The following CEMIP variants were observed in gnomAD, a reference collection of about 807,000 sequenced individuals.
CEMIP encodes the protein cell migration-inducing and hyaluronan-binding protein.
CEMIP carries 105 observed loss-of-function variants against 156.9 expected under a neutral mutation model. That is an observed-to-expected ratio of 0.67 (90% confidence interval 0.57 to 0.79). The LOEUF is 0.79. Among genes scored for constraint, CEMIP ranks in the 30% least tolerant of loss-of-function variants. The pLI, the probability that CEMIP is intolerant of heterozygous loss-of-function variation, is 0.00. For synonymous variants in CEMIP, 676 were observed against 668.4 expected (o/e 1.01, Z -0.17); for missense variants, 1,457 against 1,769.4 (o/e 0.82, Z 3.17).
chr15:80,883,947 G>A (rs1459210806), intron 6 of CEMIP, among the ~76,000 whole-genome samples: 2 of 152,198 alleles, frequency 1.3e-5, no homozygotes, highest in African/African-American at 2.4e-5. Context: ...TTTACTCAGC[G>A]AATGAACATT....
chr15:80,880,900 G>A lies in CEMIP; in HGVS notation c.381G>A (p.Arg127=), dbSNP rs774209975. ...QGNFTIILYG[R]ADEGIQPDPY... is the part of the protein sequence containing the mutation. ...TCTGGGGAGCTGTTTTCTCTTGCAG[G>A]GCTGATGAAGGTATTCAGCCGGATC... Residue 127 remains arginine, a splice_region_variant and synonymous_variant, in exon 6 of 30, where the codon AGG becomes AGA. Transcript: ENST00000394685. 1.9e-6 allele frequency: 3 copies of A among 1,613,444 alleles called. No homozygotes were observed. The highest frequency in any genetic ancestry group is 4.5e-5 in the East Asian group (2 of 44,874).
At chr15:80,921,915 A>G in intron 16 of CEMIP, 94 bp from the exon 17 acceptor site, 1 of 1,536,642 alleles carries the variant, frequency 6.5e-7, no homozygotes, top group East Asian at 2.3e-5. Flanking sequence ...AGTAGCTACT[A>G]GACCCATCTC....
At chr15:80,899,739 C>G (rs1168730460) in intron 12 of CEMIP, among the ~76,000 whole-genome samples, 1 of 152,182 alleles carries the variant, frequency 6.6e-6, no homozygotes, top group Non-Finnish European at 1.5e-5. Flanking sequence ...TGGATATCCC[C>G]TGGCAGGGAA....
chr15:80,844,240 C>A (rs1897500533), intron 1 of CEMIP, among the ~76,000 whole-genome samples: 1 of 152,232 alleles, frequency 6.6e-6, no homozygotes, highest in African/African-American at 2.4e-5. Context: ...CCTGTCGCGC[C>A]CTCCCCCTGC....
chr15:80,939,758 G>C (rs1901270603), intron 25 of CEMIP, among the ~76,000 whole-genome samples: 1 of 152,170 alleles, frequency 6.6e-6, no homozygotes, highest in Admixed American at 6.5e-5. Flanking sequence ...GTTTCCTATG[G>C]AGAAGGGCTG....
intron 1 of CEMIP, among the ~76,000 whole-genome samples, chr15:80,816,353 G>A (rs1896788189): frequency 6.6e-6 from 1 of 152,132 alleles, no homozygotes. Flanking sequence ...GGTCCTTGAG[G>A]GAGGCAGGAA....
At chr15:80,823,245 T>A (rs1896951299) in intron 1 of CEMIP, among the ~76,000 whole-genome samples, 1 of 152,192 alleles carries the variant, frequency 6.6e-6, no homozygotes, top group South Asian at 2.1e-4. Flanking sequence ...GATATTTGTA[T>A]GTGTTAATTC....
chr15:80,844,182 G>A (rs1470870385), intron 1 of CEMIP, among the ~76,000 whole-genome samples: 2 of 152,218 alleles, frequency 1.3e-5, no homozygotes, highest in African/African-American at 2.4e-5. Flanking sequence ...CCCAGTGTCC[G>A]GAGCAGCTGG....
intron 1 of CEMIP, among the ~76,000 whole-genome samples, chr15:80,838,884 T>C (rs1897324175): frequency 6.6e-6 from 1 of 152,224 alleles, no homozygotes; most frequent in South Asian, 2.1e-4. Context: ...TGACCCTGTG[T>C]GGCTCCAAAA....
chr15:80,877,656 C>T (rs1251932138), intron 3 of CEMIP, among the ~76,000 whole-genome samples: 1 of 152,194 alleles, frequency 6.6e-6, no homozygotes, highest in Non-Finnish European at 1.5e-5. Context: ...CAGTCCTCCT[C>T]ACTCAAGCCC....
intron 1 of CEMIP, among the ~76,000 whole-genome samples, chr15:80,870,468 T>C (rs923670868): frequency 1.6e-4 from 25 of 152,198 alleles, no homozygotes; most frequent in African/African-American, 6.0e-4. Context: ...GTGCCGTTGC[T>C]CTGCAGCCTC....
chr15:80,796,715 A>G (rs17325183), intron 1 of CEMIP, among the ~76,000 whole-genome samples: 86,944 of 151,856 alleles, frequency 0.57, 24,919 homozygotes, highest in East Asian at 0.62. Flanking sequence ...TTAATCAACC[A>G]CTCTACACCA....
intron 1 of CEMIP, among the ~76,000 whole-genome samples, chr15:80,858,596 A>G (rs1028216376): frequency 2.6e-5 from 4 of 151,722 alleles, no homozygotes; most frequent in Non-Finnish European, 4.4e-5. Context: ...GTGGTGGCAC[A>G]TGCCTGTAAT....
Position 80,949,482 on chromosome 15 carries a change from C to T in CEMIP, c.*558C>T, listed in dbSNP as rs1299102258. On this transcript the variant is annotated 3_prime_UTR_variant, in exon 30 of 30. Transcript: ENST00000394685. ...GGAAGAGGCAAGCCCTGCCTCTGGC[C>T]GTGTCCACCTTTCAGGAGACTTTGA... 4 of 180,668 alleles carry T rather than the reference C, an allele frequency of 2.2e-5. No homozygotes were observed. The highest frequency in any genetic ancestry group is 4.8e-5 in the Non-Finnish European group (4 of 83,586). The allele number at this position is 180,668 out of a possible 1,614,324, so 11.2% of individuals were successfully genotyped here. A position where few individuals can be genotyped will look rare whatever the true frequency, so the allele number is the denominator to read the frequency against.
chr15:80,879,874 A>G lies in CEMIP; in HGVS notation c.380+20A>G, dbSNP rs976270932. On this transcript the variant is annotated intron_variant, in intron 5 of 29. Coordinates refer to ENST00000394685, the MANE Select transcript of CEMIP (RefSeq NM_001293298.2). ...TGGAAGGTGCGTAGACCACTCCTAC[A>G]GATCAAATGCTACCCATGGATCTGA... 13 of 1,613,912 alleles carry G rather than the reference A, an allele frequency of 8.1e-6. No homozygotes were observed. The highest frequency in any genetic ancestry group is 1.1e-5 in the Non-Finnish European group (13 of 1,179,918).
At chr15:80,788,155 G>A (rs1421645433) in intron 1 of CEMIP, among the ~76,000 whole-genome samples, 1 of 152,148 alleles carries the variant, frequency 6.6e-6, no homozygotes, top group African/African-American at 2.4e-5. Context: ...AGAGGAGCTA[G>A]TTTGGGTGAA....
chr15:80,885,182 G>T (rs1204591166), intron 7 of CEMIP, among the ~76,000 whole-genome samples: 1 of 152,112 alleles, frequency 6.6e-6, no homozygotes, highest in Admixed American at 6.6e-5. Context: ...GAAAGTTGAG[G>T]TTATCTGTCC....
At chr15:80,805,088 C>T (rs1896481062) in intron 1 of CEMIP, among the ~76,000 whole-genome samples, 1 of 152,116 alleles carries the variant, frequency 6.6e-6, no homozygotes, top group African/African-American at 2.4e-5. Flanking sequence ...TATCCTCCCA[C>T]CAGGTCTCAC....
chr15:80,817,342 A>C (rs762668709), intron 1 of CEMIP, among the ~76,000 whole-genome samples: 3 of 152,100 alleles, frequency 2.0e-5, no homozygotes, highest in Admixed American at 6.6e-5. Context: ...TAGTCCCAGC[A>C]CTACACTACT....
Sources: allele counts gnomAD v4.1 joint callset (sites outside exome capture counted in the v4.1 genomes callset), GRCh38; gene constraint gnomAD v4.1.1; transcripts MANE v1.5; gene names NCBI Gene and HGNC (gene_info 2026-07-23, HGNC 2026-07-21).